Variants in TLN2 observed in about 807,000 individuals in gnomAD.
TLN2 encodes the protein talin-2.
Under a neutral mutation model 294.7 loss-of-function variants are expected in TLN2, and 118 were observed. That is an observed-to-expected ratio of 0.40 (90% CI 0.34 to 0.47). TLN2 has a LOEUF of 0.47. Ranked by LOEUF, TLN2 falls within the 20% of genes least tolerant of loss-of-function variation. The probability of loss-of-function intolerance (pLI) is 0.84; values close to 1 mark genes in which losing one functional copy is unlikely to be tolerated. For missense variants in TLN2, 3,083 were observed against 3,282.2 expected (o/e 0.94, Z 1.48); for synonymous variants, 1,431 against 1,304.5 (o/e 1.10, Z -2.09).
intron 1 of TLN2, among the ~76,000 whole-genome samples, chr15:62,487,270 C>G (rs1022221597): frequency 6.6e-6 from 1 of 152,186 alleles, no homozygotes; most frequent in African/African-American, 2.4e-5. Context: ...CCAGGCTAGT[C>G]AGACCTGCCC....
At chr15:62,595,014 C>G (rs2046367666) in intron 2 of TLN2, among the ~76,000 whole-genome samples, 1 of 152,126 alleles carries the variant, frequency 6.6e-6, no homozygotes, top group Non-Finnish European at 1.5e-5. Flanking sequence ...AGAAGATACA[C>G]AAATGGCCAA....
chr15:62,811,286 T>TA (rs905595538), intron 52 of TLN2, among the ~76,000 whole-genome samples: 34 of 152,186 alleles, frequency 2.2e-4, no homozygotes, highest in African/African-American at 8.2e-4. Context: ...TGAACCCTTG[T>TA]AAATAGAGAT....
intron 15 of TLN2, 132 bp downstream of exon 15, chr15:62,698,000 T>G (rs1453242673): frequency 3.4e-6 from 4 of 1,177,276 alleles, no homozygotes; most frequent in Admixed American, 2.9e-5. Flanking sequence ...CTCGTTCAGC[T>G]GTGCATTTTT....
chr15:62,727,583 C>G (rs1036619533), intron 28 of TLN2, among the ~76,000 whole-genome samples: 3 of 152,140 alleles, frequency 2.0e-5, no homozygotes, highest in Non-Finnish European at 4.4e-5. Flanking sequence ...TAGGTAGAGG[C>G]GAGTGAACAG....
At chr15:62,783,949 G>C (rs1567598529) in intron 45 of TLN2, 59 bp downstream of exon 45, 15 of 1,603,780 alleles carry the variant, frequency 9.4e-6, no homozygotes, top group Non-Finnish European at 1.3e-5. Context: ...CCCACTCCTG[G>C]GTATTTCTTC....
chr15:62,461,835 C>T (rs369075504), intron 1 of TLN2, among the ~76,000 whole-genome samples: 52 of 152,296 alleles, frequency 3.4e-4, no homozygotes, highest in African/African-American at 1.1e-3. Flanking sequence ...GCCTGGTGAG[C>T]GCAGAGTGAC....
intron 1 of TLN2, among the ~76,000 whole-genome samples, chr15:62,465,104 G>GTTTTTTTTTTTTTTT (rs57890839): frequency 9.4e-5 from 8 of 85,516 alleles, no homozygotes; most frequent in Non-Finnish European, 1.1e-4. Flanking sequence ...TGGTGAGCGC[G>GTTTTTTTTTTTTTTT]TTTTTTTTTT....
intron 1 of TLN2, among the ~76,000 whole-genome samples, chr15:62,582,376 TGCTCTGA>T (rs1488716210): frequency 6.6e-6 from 1 of 152,180 alleles, no homozygotes; most frequent in Non-Finnish European, 1.5e-5. Flanking sequence ...TATAAGAAAC[TGCTCTGA>T]GCTGAGGATA....
In TLN2 at chr15:62,819,638, C is replaced by T. The variant is rs376193094; in HGVS notation, c.6877+17C>T. 5.7e-5 allele frequency: 92 copies of T among 1,604,062 alleles called. No individual in the cohort carries two copies. The highest frequency in any genetic ancestry group is 6.4e-5 in the Non-Finnish European group (75 of 1,178,050). ...CCATGAAAGGTAGGCTGGATTCTCA[C>T]GTCTTGGTGGAGGGCAACCCTCCCA... is the stretch of plus-strand genomic sequence containing the variant. On this transcript the variant is annotated intron_variant, in intron 53 of 58. Transcript: ENST00000636159.
chr15:62,420,777 C>A (rs747967983), intron 1 of TLN2, among the ~76,000 whole-genome samples: 1 of 152,104 alleles, frequency 6.6e-6, no homozygotes, highest in Non-Finnish European at 1.5e-5. Context: ...TAGGATTAAA[C>A]AAACTTTACT....
In TLN2 at chr15:62,712,028, C is replaced by T. The variant is rs2059459230; in HGVS notation, c.2585C>T (p.Ala862Val). The change falls in exon 22 of 59, where the codon GCA (alanine) becomes GTA (valine). Residue 862 changes from alanine (A) to valine (V), a missense_variant. Ala to Val is a moderately conservative substitution (Grantham distance 64). Coordinates refer to ENST00000636159, the MANE Select transcript of TLN2 (RefSeq NM_015059.3). ...DMENSKKLLA[A>V]AKLLADSTAR... ...GAGAATTCAAAGAAGCTCCTGGCAG[C>T]AGCAAAACTCTTAGCTGACTCCACT... The T allele has an allele frequency of 1.2e-6, 2 of 1,614,086 alleles. No homozygotes were observed. Among genetic ancestry groups the T allele is most frequent in the South Asian group, 2.2e-5 (2 of 91,088 alleles).
At chr15:62,468,867 G>A (rs1394119024) in intron 1 of TLN2, among the ~76,000 whole-genome samples, 2 of 152,168 alleles carry the variant, frequency 1.3e-5, no homozygotes, top group African/African-American at 4.8e-5. Flanking sequence ...AGACAGGGAT[G>A]CTCATTTCCA....
At chr15:62,544,219 T>C (rs2041861725) in intron 1 of TLN2, among the ~76,000 whole-genome samples, 1 of 152,250 alleles carries the variant, frequency 6.6e-6, no homozygotes, top group African/African-American at 2.4e-5. Flanking sequence ...TAAAAAATAT[T>C]GTGGAAGGTT....
chr15:62,602,454 A>G lies in TLN2; in HGVS notation c.-162+12692A>G, dbSNP rs144752249. Among the ~76,000 whole-genome samples the G allele has an allele frequency of 2.6e-5, 4 of 152,318 alleles. No individual in the cohort carries two copies. In the East Asian group the frequency reaches 7.7e-4, roughly 29 times the overall value. ...TTCCTTTTTTCAATTTCAATTTTAA[A>G]TAATTATGTACAGTATTGTCAGGGA... On this transcript the variant is annotated intron_variant, in intron 2 of 58. Transcript: ENST00000636159.
chr15:62,690,310 GAC>G, intron 12 of TLN2: 4 of 157,970 alleles, frequency 2.5e-5, no homozygotes, highest in African/African-American at 1.2e-4. Flanking sequence ...GCCGGGCAGA[GAC>G]GCTCTTCACC....
rs1051669164 is a variant in TLN2 at position 62,577,939 on chromosome 15, C to A, written c.-237-11748C>A. On this transcript the variant is annotated intron_variant, in intron 1 of 58. Transcript: ENST00000636159. ...ACTCCCACCTATGAGTGAGAACATG[C>A]AGTGTTTGGTTTTCTGTCCTTGTGA... Among the ~76,000 whole-genome samples the A allele has an allele frequency of 5.9e-5, 9 of 152,246 alleles. No homozygotes were observed. The East Asian group carries it at 1.4e-3, about 23-fold the overall frequency.
intron 1 of TLN2, among the ~76,000 whole-genome samples, chr15:62,562,990 G>A (rs936236485): frequency 3.2e-4 from 46 of 142,380 alleles, no homozygotes; most frequent in Non-Finnish European, 3.8e-4. Flanking sequence ...TTATCCCCTC[G>A]TTGATTGATG....
At chr15:62,455,203 C>G (rs918004970) in intron 1 of TLN2, among the ~76,000 whole-genome samples, 1 of 151,996 alleles carries the variant, frequency 6.6e-6, no homozygotes, top group Non-Finnish European at 1.5e-5. Flanking sequence ...GCAGTGAGTC[C>G]CCGACTCTTC....
intron 2 of TLN2, among the ~76,000 whole-genome samples, chr15:62,617,452 C>A (rs922392540): frequency 6.6e-6 from 1 of 152,178 alleles, no homozygotes; most frequent in Admixed American, 6.5e-5. Context: ...AAGGCACTCA[C>A]CTATCCTTGT....
Sources: allele counts gnomAD v4.1 joint callset (sites outside exome capture counted in the v4.1 genomes callset), GRCh38; gene constraint gnomAD v4.1.1; transcripts MANE v1.5; gene names NCBI Gene and HGNC (gene_info 2026-07-23, HGNC 2026-07-21).